Variants in S1PR4 observed in about 807,000 individuals in gnomAD.
The protein encoded by S1PR4 is sphingosine-1-phosphate receptor 4.
In S1PR4, 1 loss-of-function variant was observed where a neutral mutation model predicts 0.4. The ratio of observed to expected loss-of-function variants is 2.48; its 90% confidence interval spans 0.88 to 11.76. The LOEUF is 11.76. Ranked by LOEUF, S1PR4 falls within the 30% of genes most tolerant of loss-of-function variation. The pLI is 0.12. For synonymous variants in S1PR4, 296 were observed against 266.7 expected, an observed-to-expected ratio of 1.11 and a Z score of -1.07; for missense variants, 595 against 557.8, an observed-to-expected ratio of 1.07 and a Z score of -0.67.
chr19:3,178,816 G>A lies in S1PR4; in HGVS notation c.24G>A (p.Val8=), dbSNP rs777494914. ...CCATGAACGCCACGGGGACCCCGGT[G>A]GCCCCCGAGTCCTGCCAACAGCTGG... MNATGTP[V]APESCQQLAA... Residue 8 remains valine, a synonymous_variant, in exon 1 of 1, where the codon GTG becomes GTA. Transcript: ENST00000246115. 13 of 1,522,242 alleles carry A rather than the reference G, an allele frequency of 8.5e-6. No homozygotes were observed. Among genetic ancestry groups the A allele is most frequent in the South Asian group, 1.2e-5 (1 of 82,424 alleles). 94.3% of individuals were successfully genotyped at this position (1,522,242 alleles called of 1,614,324 possible). A position where few individuals can be genotyped will look rare whatever the true frequency, so the allele number is the denominator to read the frequency against.
Position 3,179,936 on chromosome 19 carries a change from C to T in S1PR4, c.1144C>T (p.Arg382Trp), listed in dbSNP as rs771398844. The change falls in exon 1 of 1, where the codon CGG (arginine) becomes TGG (tryptophan). Residue 382 changes from arginine (R) to tryptophan (W), a missense_variant. Transcript: ENST00000246115. ...REPLSSISSV[R>W]SI ...GCCCCTGTCCAGCATCTCCAGCGTG[C>T]GGAGCATCTGAAGTTGCAGTCTTGC... 1.2e-5 allele frequency: 18 copies of T among 1,511,356 alleles called. No homozygotes were observed. Among genetic ancestry groups the T allele is most frequent in the East Asian group, 6.9e-5 (3 of 43,490 alleles). 93.6% of individuals were successfully genotyped at this position (1,511,356 alleles called of 1,614,324 possible).
At position 3,178,957 on chromosome 19, in the gene S1PR4, C is replaced by T. The variant is rs751644029; in HGVS notation, c.165C>T (p.Ala55=). Residue 55 remains alanine (A), a synonymous_variant, in exon 1 of 1, where the codon GCC becomes GCT. Coordinates refer to ENST00000246115, the MANE Select transcript of S1PR4 (RefSeq NM_003775.4). ...GLGALRGLSV[A]ASCLVVLENL... ...GGGCCCTGCGGGGGCTGTCGGTGGC[C>T]GCCAGCTGCCTGGTGGTGCTGGAGA... The T allele has an allele frequency of 1.7e-5, 27 of 1,548,088 alleles. No individual in the cohort carries two copies. Among genetic ancestry groups the T allele is most frequent in the Non-Finnish European group, 2.3e-5 (27 of 1,153,530 alleles).
Position 3,179,054 on chromosome 19 carries a change from A to T in S1PR4, c.262A>T (p.Ile88Phe). 6.2e-7 allele frequency: 1 copy of T among 1,608,890 alleles called. No individual in the cohort carries two copies. Among genetic ancestry groups the T allele is most frequent in the Non-Finnish European group, 8.5e-7 (1 of 1,179,630 alleles). The change falls in exon 1 of 1, where the codon ATC becomes TTC. Residue 88 changes from isoleucine to phenylalanine, a missense_variant. Ile to Phe is a conservative substitution (Grantham distance 21). Transcript: ENST00000246115. ...CTGGGTCTACTATTGCCTGGTGAAC[A>T]TCACGCTGAGTGACCTGCTCACGGG... The part of the protein sequence containing the change: ...RRWVYYCLVN[I>F]TLSDLLTGAA...
rs142607299 is a variant in S1PR4 at position 3,179,515 on chromosome 19, G to A, written c.723G>A (p.Ala241=). Reference sequence around the variant, plus strand: ...GCGGGCAGAAGGCCCCACGCCCAGCGGCCCGCCGCAAGGCCCGCCGCCTGC... The same window carrying A: ...GCGGGCAGAAGGCCCCACGCCCAGCAGCCCGCCGCAAGGCCCGCCGCCTGC... ...QASGQKAPRP[A]ARRKARRLLK... The change falls in exon 1 of 1, where the codon GCG becomes GCA. Residue 241 remains alanine (A), a synonymous_variant. Transcript: ENST00000246115. 687 of 1,610,520 alleles carry A rather than the reference G, an allele frequency of 4.3e-4. No homozygotes were observed. The highest frequency in any genetic ancestry group is 4.8e-4 in the Non-Finnish European group (568 of 1,178,628).
Position 3,179,186 on chromosome 19 carries a change from T to C in S1PR4, c.394T>C (p.Ser132Pro). 6.2e-7 allele frequency: 1 copy of C among 1,609,638 alleles called. No homozygotes were observed. Among genetic ancestry groups the C allele is most frequent in the Non-Finnish European group, 8.5e-7 (1 of 1,178,076 alleles). The change falls in exon 1 of 1, where the codon TCC (serine) becomes CCC (proline). Residue 132 changes from serine to proline, a missense_variant. Ser to Pro is a moderately conservative substitution (Grantham distance 74). Transcript: ENST00000246115. ...EGLLFTALAA[S>P]TFSLLFTAGE... ...CCTGCTCTTCACCGCCCTGGCCGCC[T>C]CCACCTTCAGCCTGCTCTTCACTGC...
Position 3,178,871 on chromosome 19 carries a change from C to A in S1PR4, c.79C>A (p.Leu27Met). The A allele has an allele frequency of 6.5e-7, 1 of 1,540,562 alleles. No homozygotes were observed. The highest frequency in any genetic ancestry group is 1.2e-5 in the South Asian group (1 of 84,412). Residue 27 changes from leucine (L) to methionine (M), a missense_variant, in exon 1 of 1, where the codon CTG becomes ATG. Coordinates refer to ENST00000246115, the MANE Select transcript of S1PR4 (RefSeq NM_003775.4). ...CGGCGGGCACAGCCGGCTCATTGTT[C>A]TGCACTACAACCACTCGGGCCGGCT... ...AAGGHSRLIVLHYNHSGRLAG... is the reference protein window; with the variant it reads ...AAGGHSRLIVMHYNHSGRLAG...
chr19:3,179,620 T>A lies in S1PR4; in HGVS notation c.828T>A (p.Phe276Leu). Residue 276 changes from phenylalanine to leucine, a missense_variant, in exon 1 of 1, where the codon TTT (phenylalanine) becomes TTA (leucine). Coordinates refer to ENST00000246115, the MANE Select transcript of S1PR4 (RefSeq NM_003775.4). ...PLFGLLLADVFGSNLWAQEYL... is the reference protein window; with the variant it reads ...PLFGLLLADVLGSNLWAQEYL... Reference sequence around the variant, plus strand: ...TCGGGCTGCTGCTGGCCGACGTCTTTGGCTCCAACCTCTGGGCCCAGGAGT... The same window carrying A: ...TCGGGCTGCTGCTGGCCGACGTCTTAGGCTCCAACCTCTGGGCCCAGGAGT... The A allele has an allele frequency of 1.2e-6, 2 of 1,613,208 alleles. No homozygotes were observed. Among genetic ancestry groups the A allele is most frequent in the Non-Finnish European group, 1.7e-6 (2 of 1,179,810 alleles).
Position 3,179,720 on chromosome 19 carries a change from C to T in S1PR4, c.928C>T (p.Arg310Cys), listed in dbSNP as rs767058179. The T allele has an allele frequency of 1.3e-5, 21 of 1,613,006 alleles. No homozygotes were observed. The South Asian group carries it at 1.3e-4, about 10-fold the overall frequency. The stretch of plus-strand genomic sequence containing the variant: ...GGTCAACCCCATCATCTACTCCTTC[C>T]GCAGCAGGGAGGTGTGCAGAGCCGT... ...SAVNPIIYSF[R>C]SREVCRAVLS... The change falls in exon 1 of 1, where the codon CGC (arginine) becomes TGC (cysteine). Residue 310 changes from arginine to cysteine, a missense_variant. Coordinates refer to ENST00000246115, the MANE Select transcript of S1PR4 (RefSeq NM_003775.4).
Position 3,178,880 on chromosome 19 carries a change from A to T in S1PR4, c.88A>T (p.Asn30Tyr). The part of the protein sequence containing the change: ...GHSRLIVLHY[N>Y]HSGRLAGRGG... ...CAGCCGGCTCATTGTTCTGCACTACAACCACTCGGGCCGGCTGGCCGGGCG... is the reference window on the plus strand; with the variant it reads ...CAGCCGGCTCATTGTTCTGCACTACTACCACTCGGGCCGGCTGGCCGGGCG... Residue 30 changes from asparagine to tyrosine, a missense_variant, in exon 1 of 1, where the codon AAC (asparagine) becomes TAC (tyrosine). Transcript: ENST00000246115. 6.5e-7 allele frequency: 1 copy of T among 1,537,188 alleles called. No individual in the cohort carries two copies. The highest frequency in any genetic ancestry group is 1.4e-5 in the African/African-American group (1 of 72,638).
In S1PR4 at chr19:3,179,661, A is replaced by C; in HGVS notation, c.869A>C (p.Asp290Ala). The C allele has an allele frequency of 6.2e-7, 1 of 1,613,336 alleles. No individual in the cohort carries two copies. Among genetic ancestry groups the C allele is most frequent in the Non-Finnish European group, 8.5e-7 (1 of 1,179,940 alleles). ...LWAQEYLRGM[D>A]WILALAVLNS... ...GCCCAGGAGTACCTGCGGGGCATGG[A>C]CTGGATCCTGGCCCTGGCCGTCCTC... Residue 290 changes from aspartate (D) to alanine (A), a missense_variant, in exon 1 of 1, where the codon GAC (aspartate) becomes GCC (alanine). Coordinates refer to ENST00000246115, the MANE Select transcript of S1PR4 (RefSeq NM_003775.4).
At position 3,179,436 on chromosome 19, in the gene S1PR4, T is replaced by A; in HGVS notation, c.644T>A (p.Val215Asp). 6.2e-7 allele frequency: 1 copy of A among 1,613,284 alleles called. No individual in the cohort carries two copies. Among genetic ancestry groups the A allele is most frequent in the Non-Finnish European group, 8.5e-7 (1 of 1,179,922 alleles). Reference sequence around the variant, plus strand: ...TTCTGCCTGGTGATCTTCGCCGGCGTCCTGGCCACCATCATGGGCCTCTAT... The same window carrying A: ...TTCTGCCTGGTGATCTTCGCCGGCGACCTGGCCACCATCATGGGCCTCTAT... ...ILFCLVIFAG[V>D]LATIMGLYGA... Residue 215 changes from valine to aspartate, a missense_variant, in exon 1 of 1, where the codon GTC (valine) becomes GAC (aspartate). Coordinates refer to ENST00000246115, the MANE Select transcript of S1PR4 (RefSeq NM_003775.4).
In S1PR4 at chr19:3,180,064, C is replaced by A; in HGVS notation, c.*117C>A. The A allele has an allele frequency of 9.8e-7, 1 of 1,021,924 alleles. No homozygotes were observed. Among genetic ancestry groups the A allele is most frequent in the Non-Finnish European group, 1.4e-6 (1 of 718,874 alleles). The allele number at this position is 1,021,924 out of a possible 1,614,324, so 63.3% of individuals were successfully genotyped here. A position where few individuals can be genotyped will look rare whatever the true frequency, so the allele number is the denominator to read the frequency against. Reference sequence around the variant, plus strand: ...CCTGTATGGGGAGCAGGGAACGGGACAGGCCCCCATGGTCTTCCCGGTGGC... The same window carrying A: ...CCTGTATGGGGAGCAGGGAACGGGAAAGGCCCCCATGGTCTTCCCGGTGGC... On this transcript the variant is annotated 3_prime_UTR_variant, in exon 1 of 1. Coordinates refer to ENST00000246115, the MANE Select transcript of S1PR4 (RefSeq NM_003775.4).
rs1483667266 is a variant in S1PR4, at chr19:3,179,058, C to T, written c.266C>T (p.Thr89Met). The part of the protein sequence containing the change: ...RWVYYCLVNI[T>M]LSDLLTGAAY... ...GTCTACTATTGCCTGGTGAACATCA[C>T]GCTGAGTGACCTGCTCACGGGCGCG... Residue 89 changes from threonine to methionine, a missense_variant, in exon 1 of 1, where the codon ACG becomes ATG. Physicochemically the swap from Thr to Met is moderately conservative, Grantham distance 81 (BLOSUM62 -1). Transcript: ENST00000246115. 8.7e-6 allele frequency: 14 copies of T among 1,609,178 alleles called. No homozygotes were observed. Among genetic ancestry groups the T allele is most frequent in the Non-Finnish European group, 1.0e-5 (12 of 1,179,650 alleles).
At position 3,179,586 on chromosome 19, in the gene S1PR4, G is replaced by T; in HGVS notation, c.794G>T (p.Gly265Val). The T allele has an allele frequency of 1.9e-6, 3 of 1,613,078 alleles. No individual in the cohort carries two copies. Among genetic ancestry groups the T allele is most frequent in the Non-Finnish European group, 2.5e-6 (3 of 1,179,838 alleles). ...MILLAFLVCWGPLFGLLLADV... is the reference protein window; with the variant it reads ...MILLAFLVCWVPLFGLLLADV... The stretch of plus-strand genomic sequence containing the variant: ...CTGCTGGCCTTCCTGGTGTGCTGGG[G>T]CCCACTCTTCGGGCTGCTGCTGGCC... Residue 265 changes from glycine to valine, a missense_variant, in exon 1 of 1, where the codon GGC becomes GTC. By Grantham distance (109) the Gly-to-Val change is moderately radical. Transcript: ENST00000246115.
In S1PR4 at chr19:3,178,775, C is replaced by T. The variant is rs1039576034; in HGVS notation, c.-18C>T. ...GCTCCACCCTGCGTCGGGCCTCAGT[C>T]AGCCCCCGGGGGAGGCCATGAACGC... On this transcript the variant is annotated 5_prime_UTR_variant, in exon 1 of 1. Coordinates refer to ENST00000246115, the MANE Select transcript of S1PR4 (RefSeq NM_003775.4). 2.6e-5 allele frequency: 38 copies of T among 1,448,418 alleles called. No individual in the cohort carries two copies. The highest frequency in any genetic ancestry group is 2.3e-4 in the Admixed American group (8 of 35,116). 89.7% of individuals were successfully genotyped at this position (1,448,418 alleles called of 1,614,324 possible).
In S1PR4 at chr19:3,179,523, G is replaced by C. The variant is rs199573940; in HGVS notation, c.731G>C (p.Arg244Pro). The C allele has an allele frequency of 1.2e-6, 2 of 1,611,238 alleles. No homozygotes were observed. The highest frequency in any genetic ancestry group is 1.7e-6 in the Non-Finnish European group (2 of 1,179,104). ...GQKAPRPAAR[R>P]KARRLLKTVL... ...AAGGCCCCACGCCCAGCGGCCCGCCGCAAGGCCCGCCGCCTGCTGAAGACG... is the reference window on the plus strand; with the variant it reads ...AAGGCCCCACGCCCAGCGGCCCGCCCCAAGGCCCGCCGCCTGCTGAAGACG... The change falls in exon 1 of 1, where the codon CGC becomes CCC. Residue 244 changes from arginine (R) to proline (P), a missense_variant. Coordinates refer to ENST00000246115, the MANE Select transcript of S1PR4 (RefSeq NM_003775.4).
rs374978727 is a variant in S1PR4 at position 3,179,962 on chromosome 19, G to A, written c.*15G>A. 1.5e-4 allele frequency: 229 copies of A among 1,508,994 alleles called. No homozygotes were observed. Among genetic ancestry groups the A allele is most frequent in the African/African-American group, 7.3e-4 (52 of 71,464 alleles). 93.5% of individuals were successfully genotyped at this position (1,508,994 alleles called of 1,614,324 possible). ...GGAGCATCTGAAGTTGCAGTCTTGC[G>A]TGTGGATGGTGCAGCCACCGGGTGC... is the stretch of plus-strand genomic sequence containing the variant. On this transcript the variant is annotated 3_prime_UTR_variant, in exon 1 of 1. Transcript: ENST00000246115.
rs767058179 is a variant in S1PR4 at position 3,179,720 on chromosome 19, C to A, written c.928C>A (p.Arg310Ser). The part of the protein sequence containing the change: ...SAVNPIIYSF[R>S]SREVCRAVLS... ...GGTCAACCCCATCATCTACTCCTTC[C>A]GCAGCAGGGAGGTGTGCAGAGCCGT... Residue 310 changes from arginine to serine, a missense_variant, in exon 1 of 1, where the codon CGC becomes AGC. Physicochemically the swap from Arg to Ser is moderately radical, Grantham distance 110. Transcript: ENST00000246115. 6.2e-7 allele frequency: 1 copy of A among 1,613,006 alleles called. No individual in the cohort carries two copies. Among genetic ancestry groups the A allele is most frequent in the African/African-American group, 1.3e-5 (1 of 74,932 alleles).
At position 3,179,482 on chromosome 19, in the gene S1PR4, G is replaced by C. The variant is rs1568305626; in HGVS notation, c.690G>C (p.Val230=). The C allele has an allele frequency of 6.2e-7, 1 of 1,612,106 alleles. No homozygotes were observed. Among genetic ancestry groups the C allele is most frequent in the Non-Finnish European group, 8.5e-7 (1 of 1,179,310 alleles). Reference sequence around the variant, plus strand: ...TCTATGGGGCCATCTTCCGCCTGGTGCAGGCCAGCGGGCAGAAGGCCCCAC... The same window carrying C: ...TCTATGGGGCCATCTTCCGCCTGGTCCAGGCCAGCGGGCAGAAGGCCCCAC... The part of the protein sequence containing the change: ...MGLYGAIFRL[V]QASGQKAPRP... Residue 230 remains valine, a synonymous_variant, in exon 1 of 1, where the codon GTG becomes GTC. Coordinates refer to ENST00000246115, the MANE Select transcript of S1PR4 (RefSeq NM_003775.4).
Sources: allele counts gnomAD v4.1 joint callset, GRCh38; gene constraint gnomAD v4.1.1; transcripts MANE v1.5; gene names NCBI Gene and HGNC (gene_info 2026-07-23, HGNC 2026-07-21).